The following PTPRD variants were observed in gnomAD, a reference collection of about 807,000 sequenced individuals.
PTPRD encodes receptor-type tyrosine-protein phosphatase delta.
A neutral mutation model predicts 214.5 loss-of-function variants in PTPRD; 34 were observed. The observed-to-expected ratio is 0.16, with a 90% CI of 0.12 to 0.21. The LOEUF is 0.21. Ranked by LOEUF, PTPRD falls within the 10% of genes least tolerant of loss-of-function variation. PTPRD has a pLI of 1.00. For missense variants in PTPRD, 2,545 were observed against 2,398.7 expected (o/e 1.06, Z -1.27); for synonymous variants, 1,128 against 845.7 (o/e 1.33, Z -5.79).
intron 8 of PTPRD, among the ~76,000 whole-genome samples, chr9:9,414,543 C>T (rs1400936252): frequency 6.6e-6 from 1 of 152,156 alleles, no homozygotes; most frequent in Non-Finnish European, 1.5e-5. Flanking sequence ...GGATAATAAT[C>T]AGCTCTATTC....
intron 11 of PTPRD, among the ~76,000 whole-genome samples, chr9:8,902,137 T>A (rs2098674207): frequency 6.6e-6 from 1 of 152,152 alleles, no homozygotes; most frequent in African/African-American, 2.4e-5. Context: ...TGACATAATA[T>A]TAATCTCATT....
intron 8 of PTPRD, among the ~76,000 whole-genome samples, chr9:9,549,258 T>C (rs140770551): frequency 1.8e-3 from 276 of 152,178 alleles, no homozygotes; most frequent in African/African-American, 6.4e-3. Flanking sequence ...ATGTGTATAA[T>C]GTATATATTA....
chr9:10,348,231 A>G (rs1484404380), intron 2 of PTPRD, among the ~76,000 whole-genome samples: 1 of 152,066 alleles, frequency 6.6e-6, no homozygotes, highest in African/African-American at 2.4e-5. Flanking sequence ...TTTTAAGGCA[A>G]TGTTAGGATT....
chr9:10,448,254 C>T (rs977887076), intron 2 of PTPRD, among the ~76,000 whole-genome samples: 8 of 152,012 alleles, frequency 5.3e-5, no homozygotes, highest in Non-Finnish European at 8.8e-5. Flanking sequence ...TGACAGATAA[C>T]ATAATTAGAG....
chr9:8,824,436 T>C (rs540824746), intron 11 of PTPRD, among the ~76,000 whole-genome samples: 1 of 152,296 alleles, frequency 6.6e-6, no homozygotes, highest in East Asian at 1.9e-4. Context: ...AGAGCTTCGT[T>C]AGAAAGTGTT....
intron 35 of PTPRD, among the ~76,000 whole-genome samples, chr9:8,432,522 A>T (rs980461193): frequency 1.3e-5 from 2 of 152,302 alleles, no homozygotes; most frequent in Admixed American, 1.3e-4. Flanking sequence ...GTAAAAAAAA[A>T]TTAGCTTCGT....
chr9:10,059,160 T>C (rs1567388204), intron 3 of PTPRD, among the ~76,000 whole-genome samples: 1 of 152,070 alleles, frequency 6.6e-6, no homozygotes, highest in Non-Finnish European at 1.5e-5. Context: ...TAAGTTCAAA[T>C]TTAAGATTAT....
At chr9:10,170,310 A>C (rs927695544) in intron 3 of PTPRD, among the ~76,000 whole-genome samples, 7 of 152,186 alleles carry the variant, frequency 4.6e-5, no homozygotes, top group African/African-American at 1.4e-4. Flanking sequence ...TCTGATGGGC[A>C]TATTTTACTG....
At chr9:8,667,350 A>C (rs1486309054) in intron 12 of PTPRD, among the ~76,000 whole-genome samples, 1 of 152,188 alleles carries the variant, frequency 6.6e-6, no homozygotes, top group Non-Finnish European at 1.5e-5. Context: ...TAAATAAATA[A>C]ATAAAACAAA....
At chr9:9,623,316 T>C (rs1005662280) in intron 7 of PTPRD, among the ~76,000 whole-genome samples, 5 of 152,196 alleles carry the variant, frequency 3.3e-5, no homozygotes, top group Non-Finnish European at 7.3e-5. Context: ...GTTCATCACT[T>C]CTTTAACTCC....
chr9:9,450,167 T>C (rs1177604608), intron 8 of PTPRD, among the ~76,000 whole-genome samples: 3 of 151,664 alleles, frequency 2.0e-5, no homozygotes, highest in Non-Finnish European at 4.4e-5. Flanking sequence ...TCCACTCTGA[T>C]TGATGGGCAT....
intron 5 of PTPRD, among the ~76,000 whole-genome samples, chr9:9,850,086 C>T (rs1228605746): frequency 2.0e-5 from 3 of 152,066 alleles, no homozygotes; most frequent in Non-Finnish European, 2.9e-5. Flanking sequence ...AACACCAGCC[C>T]GTCACACCCC....
chr9:10,126,466 G>GAT (rs142958711), intron 3 of PTPRD, among the ~76,000 whole-genome samples: 4,852 of 139,402 alleles, frequency 0.035, 91 homozygotes, highest in Middle Eastern at 0.067. Flanking sequence ...CACACACATT[G>GAT]ATATATATAT....
At chr9:10,518,831 C>T (rs1037751167) in intron 2 of PTPRD, among the ~76,000 whole-genome samples, 3 of 151,734 alleles carry the variant, frequency 2.0e-5, no homozygotes, top group Non-Finnish European at 4.4e-5. Context: ...CGCGCTCAGC[C>T]TTACATTGTT....
At chr9:8,386,333 TCTTTC>T (rs1042630192) in intron 37 of PTPRD, among the ~76,000 whole-genome samples, 2 of 152,338 alleles carry the variant, frequency 1.3e-5, no homozygotes, top group Admixed American at 1.3e-4. Context: ...TCTTCTCTTC[TCTTTC>T]CTTTTCTCCC....
chr9:9,115,122 TA>T (rs2099811089), intron 10 of PTPRD, among the ~76,000 whole-genome samples: 1 of 152,154 alleles, frequency 6.6e-6, no homozygotes, highest in African/African-American at 2.4e-5. Context: ...AATAATTTTT[TA>T]CTTTGGTAAA....
At position 8,794,858 on chromosome 9, in the gene PTPRD, T is replaced by C. The variant is rs192361693; in HGVS notation, c.-103-60912A>G. Among the ~76,000 whole-genome samples the C allele has an allele frequency of 5.8e-3, 869 of 150,702 alleles. 4 individuals carry two copies. Among genetic ancestry groups the C allele is most frequent in the Non-Finnish European group, 0.01 (696 of 67,694 alleles). On this transcript the variant is annotated intron_variant, in intron 11 of 45. Transcript: ENST00000381196. The stretch of plus-strand genomic sequence containing the variant: ...AAAATTACATATGAACTTATGATCA[T>C]GAAAAAAAAAAACATCAAACTGTCC...
intron 11 of PTPRD, among the ~76,000 whole-genome samples, chr9:8,776,518 G>C (rs568199205): frequency 1.1e-5 from 1 of 88,234 alleles, no homozygotes; most frequent in Non-Finnish European, 2.8e-5. Flanking sequence ...GGCCGGTCTC[G>C]AACTCCTGGG....
At chr9:9,565,585 T>G (rs2084267574) in intron 8 of PTPRD, among the ~76,000 whole-genome samples, 1 of 151,936 alleles carries the variant, frequency 6.6e-6, no homozygotes. Context: ...CTTTTAATAT[T>G]TTTAACATAT....
Sources: gnomAD v4.1 joint callset for allele counts (sites outside exome capture counted in the v4.1 genomes callset) on GRCh38, gnomAD v4.1.1 for gene constraint, MANE v1.5 for transcripts, NCBI Gene and HGNC (gene_info 2026-07-23, HGNC 2026-07-21) for gene names.